Variants in ELMO1 observed in about 807,000 individuals in gnomAD.
ELMO1 encodes the protein engulfment and cell motility 1, also known as engulfment and cell motility protein 1.
In ELMO1, 26 loss-of-function variants were observed where a neutral mutation model predicts 98.9. That is an observed-to-expected ratio of 0.26 (90% CI 0.19 to 0.36). The LOEUF is 0.36. Ranked by LOEUF, ELMO1 falls within the 10% of genes least tolerant of loss-of-function variation. The pLI is 1.00. For synonymous variants in ELMO1, 346 were observed against 346.0 expected, an observed-to-expected ratio of 1.00 and a Z score of 0.00; for missense variants, 627 against 935.2, an observed-to-expected ratio of 0.67 and a Z score of 4.30.
At chr7:37,060,635 GAACCT>G (rs1396697214) in intron 15 of ELMO1, among the ~76,000 whole-genome samples, 1 of 149,708 alleles carries the variant, frequency 6.7e-6, no homozygotes, top group African/African-American at 2.5e-5. Context: ...TGTACCCTCT[GAACCT>G]AAAAGTCCAA....
At chr7:37,167,446 C>T (rs1388792608) in intron 13 of ELMO1, among the ~76,000 whole-genome samples, 8 of 151,694 alleles carry the variant, frequency 5.3e-5, no homozygotes, top group Admixed American at 5.2e-4. Context: ...ATGGTCTTTA[C>T]ATTTTGGCAT....
At chr7:37,336,263 T>A (rs773516126) in intron 2 of ELMO1, among the ~76,000 whole-genome samples, 7 of 151,968 alleles carry the variant, frequency 4.6e-5, no homozygotes, top group Non-Finnish European at 1.0e-4. Flanking sequence ...TGGTCCCCCC[T>A]CTACATGATA....
intron 14 of ELMO1, among the ~76,000 whole-genome samples, chr7:37,108,023 G>C (rs1785038011): frequency 6.6e-6 from 1 of 152,092 alleles, no homozygotes; most frequent in African/African-American, 2.4e-5. Flanking sequence ...AACAGAAAAT[G>C]TTAATTTTCT....
At chr7:37,183,681 C>G (rs963897883) in intron 13 of ELMO1, among the ~76,000 whole-genome samples, 1 of 151,590 alleles carries the variant, frequency 6.6e-6, no homozygotes, top group African/African-American at 2.4e-5. Flanking sequence ...ATGTCCCCCA[C>G]CTCCCTCAAC....
intron 1 of ELMO1, among the ~76,000 whole-genome samples, chr7:37,401,763 G>A (rs114749493): frequency 2.6e-5 from 4 of 152,062 alleles, no homozygotes; most frequent in South Asian, 2.1e-4. Context: ...TAGGTCCCTC[G>A]CATGACATGT....
At chr7:36,864,231 G>A (rs540268923) in intron 20 of ELMO1, among the ~76,000 whole-genome samples, 14 of 152,336 alleles carry the variant, frequency 9.2e-5, no homozygotes, top group South Asian at 6.2e-4. Flanking sequence ...CAGTGTCAGC[G>A]TGGTTATTGC....
At chr7:37,042,237 G>A (rs1346860899) in intron 15 of ELMO1, among the ~76,000 whole-genome samples, 1 of 150,222 alleles carries the variant, frequency 6.7e-6, no homozygotes, top group Non-Finnish European at 1.5e-5. Context: ...AGAAGAGAGA[G>A]AAAGAAAGAG....
intron 1 of ELMO1, among the ~76,000 whole-genome samples, chr7:37,404,454 G>A (rs1463428272): frequency 6.6e-6 from 1 of 152,144 alleles, no homozygotes; most frequent in Admixed American, 6.5e-5. Flanking sequence ...TAGGTCCCAC[G>A]CTATTTTTAA....
At position 37,206,172 on chromosome 7, in the gene ELMO1, C is replaced by T. The variant is rs1055448692; in HGVS notation, c.1086+5214G>A. Among the ~76,000 whole-genome samples the T allele has an allele frequency of 7.2e-5, 11 of 152,198 alleles. No homozygotes were observed. In the East Asian group the frequency reaches 2.1e-3, roughly 29 times the overall value. ...AATCATAAGATCGTAATAATAGCAT[C>T]TAGATTCACAGACTATGTAGCAAGC... is the stretch of plus-strand genomic sequence containing the variant. On this transcript the variant is annotated intron_variant, in intron 13 of 21. Coordinates refer to ENST00000310758, the MANE Select transcript of ELMO1 (RefSeq NM_014800.11).
At chr7:37,136,299 T>G (rs2129303069) in intron 13 of ELMO1, among the ~76,000 whole-genome samples, 1 of 152,322 alleles carries the variant, frequency 6.6e-6, no homozygotes, top group South Asian at 2.1e-4. Context: ...AAAACATATT[T>G]CTGGGAGTAA....
chr7:37,185,192 T>C (rs897099328), intron 13 of ELMO1, among the ~76,000 whole-genome samples: 6 of 152,252 alleles, frequency 3.9e-5, no homozygotes, highest in African/African-American at 1.4e-4. Context: ...ATCTTTATTC[T>C]TAGCAGAGCA....
intron 5 of ELMO1, chr7:37,271,113 G>A (rs975599665): frequency 6.6e-5 from 10 of 151,870 alleles, no homozygotes; most frequent in Non-Finnish European, 1.5e-4. Context: ...CTAATTTTTT[G>A]TATTTTTAGT....
chr7:37,095,208 G>T (rs1446784768), intron 15 of ELMO1, among the ~76,000 whole-genome samples: 1 of 152,116 alleles, frequency 6.6e-6, no homozygotes, highest in South Asian at 2.1e-4. Context: ...ACTCCCAGAT[G>T]GTCCAGACAT....
intron 4 of ELMO1, among the ~76,000 whole-genome samples, chr7:37,312,021 T>G (rs933757713): frequency 6.6e-6 from 1 of 152,258 alleles, no homozygotes; most frequent in Admixed American, 6.5e-5. Context: ...AACCATTATA[T>G]GATGTTAATA....
chr7:37,218,571 G>A (rs562762549), intron 10 of ELMO1, among the ~76,000 whole-genome samples: 1 of 152,188 alleles, frequency 6.6e-6, no homozygotes, highest in African/African-American at 2.4e-5. Context: ...AATCCATGGG[G>A]AATATTTTAT....
chr7:37,059,393 C>G (rs950945403), intron 15 of ELMO1, among the ~76,000 whole-genome samples: 4 of 152,150 alleles, frequency 2.6e-5, no homozygotes, highest in Non-Finnish European at 5.9e-5. Context: ...GATAACTTAT[C>G]CTTGCTGAAA....
intron 1 of ELMO1, among the ~76,000 whole-genome samples, chr7:37,433,953 T>C (rs1341087326): frequency 1.3e-5 from 2 of 152,106 alleles, no homozygotes; most frequent in Admixed American, 6.5e-5. Context: ...CTGGGACTTA[T>C]GGAACAAGAT....
chr7:37,193,378 A>G (rs1410461828), intron 13 of ELMO1, among the ~76,000 whole-genome samples: 1 of 152,108 alleles, frequency 6.6e-6, no homozygotes, highest in Non-Finnish European at 1.5e-5. Flanking sequence ...CTCTCCTTTA[A>G]GATGGAGGTA....
At position 37,218,435 on chromosome 7, in the gene ELMO1, T is replaced by C. The variant is rs76096018; in HGVS notation, c.781-1740A>G. 7.6e-4 allele frequency among the ~76,000 whole-genome samples: 115 copies of C among 152,268 alleles called. No individual in the cohort carries two copies. In the East Asian group the frequency reaches 0.02, roughly 27 times the overall value. On this transcript the variant is annotated intron_variant, in intron 10 of 21. Coordinates refer to ENST00000310758, the MANE Select transcript of ELMO1 (RefSeq NM_014800.11). The stretch of plus-strand genomic sequence containing the variant: ...CACCGAGAAGACAATAAATGTTTGA[T>C]AAAATAACAAATAAATATTTTATAC...
Sources: gnomAD v4.1 joint callset for allele counts (sites outside exome capture counted in the v4.1 genomes callset) on GRCh38, gnomAD v4.1.1 for gene constraint, MANE v1.5 for transcripts, NCBI Gene and HGNC (gene_info 2026-07-23, HGNC 2026-07-21) for gene names.